Variants in NRXN3 observed in about 807,000 individuals in gnomAD.
NRXN3 encodes the protein neurexin 3.
A neutral mutation model predicts 137.6 loss-of-function variants in NRXN3; 32 were observed. The observed-to-expected ratio is 0.23, with a 90% CI of 0.18 to 0.31. The LOEUF (loss-of-function observed/expected upper bound fraction) is 0.31. NRXN3 is among the 10% of genes least tolerant of loss of function. The probability of loss-of-function intolerance (pLI) is 1.00; values close to 1 mark genes in which losing one functional copy is unlikely to be tolerated. For missense variants in NRXN3, 1,574 were observed against 2,062.5 expected (o/e 0.76, Z 4.59); for synonymous variants, 798 against 784.5 (o/e 1.02, Z -0.29).
rs776109442 is a variant in NRXN3, at chr14:78,715,076, G to A, written c.1981G>A (p.Gly661Ser). The change falls in exon 8 of 21, where the codon GGC (glycine) becomes AGC (serine). Residue 661 changes from glycine (G) to serine (S), a missense_variant. Gly to Ser is a moderately conservative substitution (Grantham distance 56). Transcript: ENST00000335750. Reference sequence around the variant, plus strand: ...CAAGAATAATGCTGTGTGCAAGGACGGCTGGAACCGCTTCATCTGCGACTG... The same window carrying A: ...CAAGAATAATGCTGTGTGCAAGGACAGCTGGAACCGCTTCATCTGCGACTG... ...PCKNNAVCKD[G>S]WNRFICDCTG... is the part of the protein sequence containing the mutation. The A allele has an allele frequency of 2.5e-6, 4 of 1,613,292 alleles. No homozygotes were observed. Among genetic ancestry groups the A allele is most frequent in the East Asian group, 2.2e-5 (1 of 44,872 alleles).
intron 15 of NRXN3, among the ~76,000 whole-genome samples, chr14:79,446,939 T>C (rs1055836379): frequency 3.3e-5 from 5 of 152,200 alleles, no homozygotes; most frequent in Non-Finnish European, 1.5e-5. Context: ...GAGATCTCCA[T>C]AACTTATTCA....
intron 4 of NRXN3, among the ~76,000 whole-genome samples, chr14:78,399,654 G>T (rs1453054621): frequency 6.6e-6 from 1 of 152,194 alleles, no homozygotes; most frequent in East Asian, 1.9e-4. Context: ...ACTGCTGCCT[G>T]GTGAATTTGT....
intron 4 of NRXN3, among the ~76,000 whole-genome samples, chr14:78,480,565 C>T (rs899497149): frequency 2.4e-4 from 37 of 152,030 alleles, no homozygotes; most frequent in African/African-American, 8.7e-4. Context: ...TCACAGTTGA[C>T]CTGAGTTGCT....
intron 16 of NRXN3, among the ~76,000 whole-genome samples, chr14:79,594,239 A>G (rs1286032785): frequency 2.6e-5 from 4 of 152,176 alleles, no homozygotes; most frequent in African/African-American, 9.7e-5. Context: ...AAATGCATTG[A>G]TATTTTAGTG....
intron 20 of NRXN3, among the ~76,000 whole-genome samples, chr14:79,837,939 G>C (rs773283931): frequency 2.0e-5 from 3 of 152,086 alleles, no homozygotes; most frequent in Non-Finnish European, 4.4e-5. Flanking sequence ...ATTTATATTT[G>C]TCTTATAGAT....
chr14:79,280,562 T>A, intron 15 of NRXN3: 1 of 1,598,134 alleles, frequency 6.3e-7, no homozygotes, highest in Non-Finnish European at 8.5e-7. Flanking sequence ...CTCTTTATCC[T>A]TTTAATGGGG....
chr14:78,529,514 A>C (rs1381731122), intron 4 of NRXN3, among the ~76,000 whole-genome samples: 1 of 152,172 alleles, frequency 6.6e-6, no homozygotes, highest in Admixed American at 6.5e-5. Flanking sequence ...CATTTTCTTG[A>C]AGTAACGTGA....
chr14:78,583,585 T>C (rs1219535110), intron 4 of NRXN3, among the ~76,000 whole-genome samples: 4 of 152,208 alleles, frequency 2.6e-5, no homozygotes, highest in South Asian at 2.1e-4. Context: ...TGTTTTGTAA[T>C]AGTAAAATTG....
At chr14:78,258,271 A>G (rs983585073) in intron 2 of NRXN3, among the ~76,000 whole-genome samples, 1 of 152,218 alleles carries the variant, frequency 6.6e-6, no homozygotes, top group African/African-American at 2.4e-5. Flanking sequence ...TTCTGGTTGT[A>G]GGAATGTAGA....
At chr14:79,536,063 G>A (rs1269354001) in intron 16 of NRXN3, among the ~76,000 whole-genome samples, 1 of 152,188 alleles carries the variant, frequency 6.6e-6, no homozygotes, top group Non-Finnish European at 1.5e-5. Context: ...AAATGTGTTT[G>A]ATGAGAGGAT....
At chr14:78,518,244 C>A (rs1483069042) in intron 4 of NRXN3, among the ~76,000 whole-genome samples, 1 of 152,130 alleles carries the variant, frequency 6.6e-6, no homozygotes, top group Non-Finnish European at 1.5e-5. Flanking sequence ...GTGATGCCCA[C>A]AATGAGGGCT....
At chr14:78,611,377 C>G (rs971393810) in intron 4 of NRXN3, among the ~76,000 whole-genome samples, 1 of 151,668 alleles carries the variant, frequency 6.6e-6, no homozygotes, top group Non-Finnish European at 1.5e-5. Context: ...GTTTCTCTCC[C>G]ATTCCTCCCT....
At chr14:78,996,861 C>T (rs1398920629) in intron 15 of NRXN3, among the ~76,000 whole-genome samples, 1 of 152,078 alleles carries the variant, frequency 6.6e-6, no homozygotes, top group African/African-American at 2.4e-5. Flanking sequence ...CACAGATATT[C>T]CATGGAGCCA....
intron 20 of NRXN3, among the ~76,000 whole-genome samples, chr14:79,860,003 G>T (rs1348489764): frequency 6.6e-6 from 1 of 152,158 alleles, no homozygotes; most frequent in African/African-American, 2.4e-5. Context: ...TGCTGACATA[G>T]ATGCATAGCA....
intron 6 of NRXN3, among the ~76,000 whole-genome samples, chr14:78,705,421 A>T (rs958059112): frequency 4.6e-5 from 7 of 152,178 alleles, no homozygotes; most frequent in Non-Finnish European, 1.0e-4. Context: ...GAAGGTGAAG[A>T]TATTAACAAT....
chr14:79,713,588 T>A (rs899333737), intron 19 of NRXN3, among the ~76,000 whole-genome samples: 1 of 128,658 alleles, frequency 7.8e-6, no homozygotes, highest in African/African-American at 2.7e-5. Context: ...TATATACATA[T>A]ATATATACAT....
chr14:79,479,713 T>G (rs1288783701), intron 16 of NRXN3, among the ~76,000 whole-genome samples: 4 of 152,042 alleles, frequency 2.6e-5, no homozygotes, highest in Non-Finnish European at 4.4e-5. Context: ...TTACATTACA[T>G]TTTTTGCTTC....
chr14:79,034,395 A>T (rs144931017), intron 15 of NRXN3, among the ~76,000 whole-genome samples: 965 of 87,852 alleles, frequency 0.011, 10 homozygotes, highest in African/African-American at 0.042. Flanking sequence ...TTGGAAAAAA[A>T]ACATGTTAAG....
At chr14:78,515,306 C>G (rs2096186067) in intron 4 of NRXN3, among the ~76,000 whole-genome samples, 1 of 152,092 alleles carries the variant, frequency 6.6e-6, no homozygotes, top group Non-Finnish European at 1.5e-5. Flanking sequence ...AGTGGGGTCC[C>G]TATGCTCTTT....
Sources: gnomAD v4.1 joint callset for allele counts (sites outside exome capture counted in the v4.1 genomes callset) on GRCh38, gnomAD v4.1.1 for gene constraint, MANE v1.5 for transcripts, NCBI Gene and HGNC (gene_info 2026-07-23, HGNC 2026-07-21) for gene names.